Variants in ZNF718 observed in about 807,000 individuals in gnomAD.
The protein encoded by ZNF718 is zinc finger protein 718.
ZNF718 carries 3 observed loss-of-function variants against 2.6 expected under a neutral mutation model. That is an observed-to-expected ratio of 1.16 (90% CI 0.53 to 3.01). The LOEUF is 3.01. Among genes scored for constraint, ZNF718 ranks in the 30% most tolerant of loss-of-function variants. The pLI, the probability that ZNF718 is intolerant of heterozygous loss-of-function variation, is 0.03. For missense variants in ZNF718, 468 were observed against 230.0 expected (o/e 2.03, Z -6.69); for synonymous variants, 135 against 77.9 (o/e 1.73, Z -3.86).
At chr4:155,948 A>G (rs1343758706) in intron 3 of ZNF718, among the ~76,000 whole-genome samples, 2 of 152,084 alleles carry the variant, frequency 1.3e-5, no homozygotes, top group Non-Finnish European at 2.9e-5. Context: ...TTTTTCCCAT[A>G]CTGTTTTTAC....
chr4:180,446 G>A (rs1228734693), intron 3 of ZNF718, among the ~76,000 whole-genome samples: 1 of 152,194 alleles, frequency 6.6e-6, no homozygotes, highest in Non-Finnish European at 1.5e-5. Context: ...AGGAGCCAGG[G>A]ATCTCAGTAT....
intron 3 of ZNF718, among the ~76,000 whole-genome samples, chr4:189,056 ATTATTTT>A (rs1354967357): frequency 5.8e-4 from 80 of 139,042 alleles, no homozygotes; most frequent in Admixed American, 7.2e-4. Context: ...GAATCTGTAG[ATTATTTT>A]TTTTTTTTTT....
chr4:146,013 C>CT (rs1193705538), intron 3 of ZNF718, among the ~76,000 whole-genome samples: 8 of 149,980 alleles, frequency 5.3e-5, no homozygotes, highest in East Asian at 2.0e-4. Flanking sequence ...TGTTTTAATG[C>CT]TTTTTTTGTA....
chr4:166,149 C>G (rs1717082185), downstream of ZNF718, among the ~76,000 whole-genome samples: 1 of 152,098 alleles, frequency 6.6e-6, no homozygotes, highest in Non-Finnish European at 1.5e-5. Context: ...TGGTTTCCAG[C>G]TTCATCCATG....
In ZNF718 at chr4:135,740, ATG is replaced by A. The variant is rs1431203284; in HGVS notation, c.226+4238_226+4239del. On this transcript the variant is annotated intron_variant, in intron 3 of 3. Coordinates refer to ENST00000510175, the MANE Select transcript of ZNF718 (RefSeq NM_001039127.6). ...GTTCATTTACTCTAGAGTTATATAT[ATG>A]TGCATGATTATATAATCTACAGACA... is the stretch of plus-strand genomic sequence containing the variant. Among the ~76,000 whole-genome samples the A allele has an allele frequency of 3.7e-4, 52 of 141,020 alleles. 4 individuals are homozygous for A. Among genetic ancestry groups the A allele is most frequent in the Admixed American group, 8.2e-4 (11 of 13,486 alleles). The allele number at this position is 141,020 out of a possible 152,430, so 92.5% of individuals were successfully genotyped here. A position where few individuals can be genotyped will look rare whatever the true frequency, so the allele number is the denominator to read the frequency against.
At chr4:179,016 T>C (rs1553819461) in intron 3 of ZNF718, among the ~76,000 whole-genome samples, 1 of 152,242 alleles carries the variant, frequency 6.6e-6, no homozygotes, top group Non-Finnish European at 1.5e-5. Context: ...TGAAGAGATA[T>C]ATGTCTCACA....
chr4:151,764 A>G (rs868952166), intron 3 of ZNF718, among the ~76,000 whole-genome samples: 31 of 152,056 alleles, frequency 2.0e-4, no homozygotes, highest in African/African-American at 7.2e-4. Flanking sequence ...TTGCCCCTAC[A>G]CACCTGTGGG....
intron 3 of ZNF718, among the ~76,000 whole-genome samples, chr4:198,283 G>A (rs1717831765): frequency 6.6e-6 from 1 of 152,164 alleles, no homozygotes; most frequent in South Asian, 2.1e-4. Flanking sequence ...CCTGGCAGAG[G>A]GGGTCCACGT....
downstream of ZNF718, among the ~76,000 whole-genome samples, chr4:168,872 A>G (rs1453619525): frequency 1.3e-5 from 2 of 151,944 alleles, no homozygotes; most frequent in Non-Finnish European, 2.9e-5. Context: ...CTCTGATCTT[A>G]GTTATTTCTT....
intron 3 of ZNF718, among the ~76,000 whole-genome samples, chr4:172,121 A>G (rs1717250677): frequency 1.3e-5 from 2 of 152,202 alleles, no homozygotes; most frequent in Admixed American, 6.5e-5. Context: ...CATGCTGTAC[A>G]ATAAATTTTC....
intron 3 of ZNF718, among the ~76,000 whole-genome samples, chr4:200,005 G>A (rs781877398): frequency 2.6e-5 from 4 of 152,158 alleles, no homozygotes; most frequent in Admixed American, 2.6e-4. Flanking sequence ...TGGAAAAATT[G>A]TATTTCTTTT....
chr4:176,671 A>G lies in ZNF718; in HGVS notation c.227-24410A>G, dbSNP rs148014306. Among the ~76,000 whole-genome samples, 764 of 152,318 alleles carry G rather than the reference A, an allele frequency of 5.0e-3. 4 individuals carry two copies. Among genetic ancestry groups the G allele is most frequent in the Non-Finnish European group, 7.7e-3 (526 of 68,028 alleles). Reference sequence around the variant, plus strand: ...ACCTCAATCACTCTTCTTGCAGTCAATCCAACCCATGGTATCAACCAAGCC... The same window carrying G: ...ACCTCAATCACTCTTCTTGCAGTCAGTCCAACCCATGGTATCAACCAAGCC... On this transcript the variant is annotated intron_variant and NMD_transcript_variant, in intron 3 of 4. Coordinates refer to the ZNF718 transcript ENST00000642529.
At chr4:194,177 G>A (rs1717748056) in intron 3 of ZNF718, among the ~76,000 whole-genome samples, 1 of 152,166 alleles carries the variant, frequency 6.6e-6, no homozygotes, top group Non-Finnish European at 1.5e-5. Context: ...GGCTCTTGAA[G>A]TATTTTTCTA....
chr4:171,473 G>A (rs114989700), intron 3 of ZNF718, among the ~76,000 whole-genome samples: 2,675 of 152,124 alleles, frequency 0.018, 79 homozygotes, highest in African/African-American at 0.061. Context: ...AGGCCTCCTT[G>A]AATTGCGGTG....
intron 3 of ZNF718, among the ~76,000 whole-genome samples, chr4:157,669 A>G (rs1560119997): frequency 6.6e-6 from 1 of 151,660 alleles, no homozygotes. Flanking sequence ...TTTTTATTCT[A>G]CTCTCTTTCC....
intron 3 of ZNF718, among the ~76,000 whole-genome samples, chr4:151,484 TGTTTTG>T (rs1716320329): frequency 6.6e-6 from 1 of 151,520 alleles, no homozygotes; most frequent in Admixed American, 6.6e-5. Context: ...TGTTTTGTTT[TGTTTTG>T]TTTTTTTGAG....
At chr4:125,586 T>C (rs1217798873) in intron 1 of ZNF718, among the ~76,000 whole-genome samples, 2 of 152,174 alleles carry the variant, frequency 1.3e-5, no homozygotes, top group Admixed American at 6.6e-5. Context: ...GGAAGTCACC[T>C]GGTGTCCGCA....
chr4:153,949 T>A (rs2108797819), intron 3 of ZNF718, among the ~76,000 whole-genome samples: 1 of 152,344 alleles, frequency 6.6e-6, no homozygotes, highest in East Asian at 1.9e-4. Flanking sequence ...TGATATGGTT[T>A]GATTGTGTCC....
At chr4:195,635 A>G (rs1717775824) in intron 3 of ZNF718, among the ~76,000 whole-genome samples, 1 of 152,134 alleles carries the variant, frequency 6.6e-6, no homozygotes, top group Non-Finnish European at 1.5e-5. Context: ...TGTGCTCACA[A>G]TGAGGTTTCC....
Sources: allele counts gnomAD v4.1 joint callset (sites outside exome capture counted in the v4.1 genomes callset), GRCh38; gene constraint gnomAD v4.1.1; transcripts MANE v1.5; gene names NCBI Gene and HGNC (gene_info 2026-07-23, HGNC 2026-07-21).